ARB2A: variants seen among roughly 807,000 people sequenced by gnomAD.
ARB2A encodes ARB2 cotranscriptional regulator A, also known as cotranscriptional regulator ARB2A.
the ARB2A span, among the ~76,000 whole-genome samples, chr5:94,055,466 ATCAAAT>A: frequency 6.6e-6 from 1 of 152,322 alleles, no homozygotes; most frequent in South Asian, 2.1e-4. Flanking sequence ...AAAACAAGCC[ATCAAAT>A]GCTTCATTAA....
chr5:93,891,045 T>C, the ARB2A span, among the ~76,000 whole-genome samples: 2 of 152,134 alleles, frequency 1.3e-5, no homozygotes, highest in African/African-American at 4.8e-5. Context: ...ATGGACCTTG[T>C]CTTTTGTTTT....
the ARB2A span, among the ~76,000 whole-genome samples, chr5:93,929,752 A>C: frequency 6.6e-6 from 1 of 152,218 alleles, no homozygotes; most frequent in African/African-American, 2.4e-5. Flanking sequence ...CAAACAGAAA[A>C]GAAATGAATT....
At chr5:93,805,393 C>T in the ARB2A span, 2 of 985,134 alleles carry the variant, frequency 2.0e-6, no homozygotes, top group Non-Finnish European at 2.4e-6. Context: ...CAGTACCTCA[C>T]AGCAAAACCC....
the ARB2A span, among the ~76,000 whole-genome samples, chr5:93,979,941 T>C: frequency 1.0e-3 from 158 of 152,302 alleles, no homozygotes; most frequent in African/African-American, 3.1e-3. Context: ...TCAAAGACTT[T>C]AGAGAGATTT....
the ARB2A span, among the ~76,000 whole-genome samples, chr5:93,716,843 GA>G: frequency 6.6e-6 from 1 of 150,948 alleles, no homozygotes; most frequent in South Asian, 2.1e-4. Flanking sequence ...TTCTTCAATT[GA>G]AAAAAAATCT....
At chr5:93,951,434 T>C in the ARB2A span, among the ~76,000 whole-genome samples, 1 of 152,146 alleles carries the variant, frequency 6.6e-6, no homozygotes, top group Non-Finnish European at 1.5e-5. Flanking sequence ...TTCTTTAATG[T>C]TTTCTTGTAG....
the ARB2A span, among the ~76,000 whole-genome samples, chr5:93,835,416 C>T: frequency 2.6e-5 from 4 of 152,198 alleles, no homozygotes; most frequent in Non-Finnish European, 4.4e-5. Context: ...GATTTTTCTT[C>T]AGCTAACCTG....
chr5:93,928,498 CA>C, the ARB2A span, among the ~76,000 whole-genome samples: 1 of 152,138 alleles, frequency 6.6e-6, no homozygotes. Flanking sequence ...CTGCAAAGCA[CA>C]ATGCTTATTA....
At chr5:93,897,904 T>C in the ARB2A span, among the ~76,000 whole-genome samples, 4 of 152,130 alleles carry the variant, frequency 2.6e-5, no homozygotes, top group African/African-American at 9.6e-5. Context: ...CAGAGATGTT[T>C]AGAATCTCCA....
the ARB2A span, among the ~76,000 whole-genome samples, chr5:94,086,858 CTA>C: frequency 2.0e-5 from 3 of 152,124 alleles, no homozygotes; most frequent in Non-Finnish European, 1.5e-5. Flanking sequence ...CTGCTGGTGA[CTA>C]TGTTTTTACT....
At chr5:94,039,719 G>C in the ARB2A span, among the ~76,000 whole-genome samples, 1 of 152,078 alleles carries the variant, frequency 6.6e-6, no homozygotes, top group African/African-American at 2.4e-5. Context: ...CTGGGGTCTG[G>C]ATCAGGACCT....
At chr5:94,064,696 C>T in the ARB2A span, among the ~76,000 whole-genome samples, 2 of 152,068 alleles carry the variant, frequency 1.3e-5, no homozygotes, top group Admixed American at 6.5e-5. Context: ...TTCAAAGTGC[C>T]GAAAGAGAGA....
chr5:93,852,814 T>A, the ARB2A span, among the ~76,000 whole-genome samples: 1 of 152,054 alleles, frequency 6.6e-6, no homozygotes, highest in Admixed American at 6.6e-5. Flanking sequence ...ATTGATCTAG[T>A]TCTCTGTTTT....
chr5:93,706,608 C>T, the ARB2A span, among the ~76,000 whole-genome samples: 1 of 152,050 alleles, frequency 6.6e-6, no homozygotes, highest in Non-Finnish European at 1.5e-5. Context: ...TGGCTCACGT[C>T]TGTAATCCCA....
chr5:93,807,481 T>C, the ARB2A span, among the ~76,000 whole-genome samples: 6 of 152,006 alleles, frequency 3.9e-5, no homozygotes, highest in Admixed American at 3.9e-4. Context: ...AAAATCATCC[T>C]GGACCACTGT....
At chr5:93,834,892 G>A in the ARB2A span, among the ~76,000 whole-genome samples, 9 of 152,162 alleles carry the variant, frequency 5.9e-5, no homozygotes, top group Middle Eastern at 3.4e-3. Context: ...TTTCTAATAC[G>A]CTTCAATTAC....
chr5:93,940,211 T>C, the ARB2A span, among the ~76,000 whole-genome samples: 10 of 152,094 alleles, frequency 6.6e-5, no homozygotes, highest in African/African-American at 1.7e-4. Context: ...AAACTGGTAA[T>C]AGCGTATTCA....
At chr5:93,774,603 T>C in the ARB2A span, among the ~76,000 whole-genome samples, 1 of 152,218 alleles carries the variant, frequency 6.6e-6, no homozygotes, top group African/African-American at 2.4e-5. Context: ...TAGTGCCACA[T>C]TTTTCTAGTT....
At chr5:93,693,835 T>C in the ARB2A span, among the ~76,000 whole-genome samples, 1 of 152,140 alleles carries the variant, frequency 6.6e-6, no homozygotes, top group Non-Finnish European at 1.5e-5. Context: ...TCAAAAAGCT[T>C]ATCCACCACG....
Sources: gnomAD v4.1 joint callset for allele counts (sites outside exome capture counted in the v4.1 genomes callset) on GRCh38, gnomAD v4.1.1 for gene constraint, MANE v1.5 for transcripts, NCBI Gene and HGNC (gene_info 2026-07-23, HGNC 2026-07-21) for gene names.